RETREG1: variants seen among roughly 807,000 people sequenced by gnomAD.
RETREG1 encodes family with sequence similarity 134 member B.
RETREG1 carries 44 observed loss-of-function variants against 54.8 expected under a neutral mutation model. The ratio of observed to expected loss-of-function variants is 0.80; its 90% CI spans 0.63 to 1.03. RETREG1 has a LOEUF of 1.03. Ranked by LOEUF, RETREG1 falls within the 50% of genes least tolerant of loss-of-function variation. RETREG1 has a pLI of 0.00. For missense variants in RETREG1, 554 were observed against 605.1 expected (o/e 0.92, Z 0.89); for synonymous variants, 217 against 238.5 (o/e 0.91, Z 0.83).
At chr5:16,580,402 G>GA (rs1408497848) in intron 1 of RETREG1, among the ~76,000 whole-genome samples, 2 of 152,218 alleles carry the variant, frequency 1.3e-5, no homozygotes, top group African/African-American at 4.8e-5. Flanking sequence ...CCAGCATTCT[G>GA]AAGGGCTAAG....
rs773790941 is a variant in RETREG1, at chr5:16,506,799, G to T, written c.459-23327C>A. Among the ~76,000 whole-genome samples the T allele has an allele frequency of 1.4e-4, 22 of 152,278 alleles. No individual in the cohort carries two copies. In the Middle Eastern group the frequency reaches 0.014, roughly 94 times the overall value. On this transcript the variant is annotated intron_variant, in intron 3 of 8. Transcript: ENST00000306320. Reference sequence around the variant, plus strand: ...TGTATGAAGTAAGACAAAGTATACTGCATAGAAAACCACCAATGGGTAAAA... The same window carrying T: ...TGTATGAAGTAAGACAAAGTATACTTCATAGAAAACCACCAATGGGTAAAA...
At chr5:16,509,073 C>T (rs984671640) in intron 3 of RETREG1, 7 of 981,114 alleles carry the variant, frequency 7.1e-6, no homozygotes, top group Non-Finnish European at 2.4e-6. Context: ...ACTAGGCACC[C>T]ACCTAAGGGT....
chr5:16,581,346 G>A (rs1362557309), intron 1 of RETREG1, among the ~76,000 whole-genome samples: 1 of 152,102 alleles, frequency 6.6e-6, no homozygotes, highest in Non-Finnish European at 1.5e-5. Context: ...AGAATCACAA[G>A]ATGACAACCA....
At chr5:16,548,690 T>A in intron 3 of RETREG1, among the ~76,000 whole-genome samples, 1 of 152,194 alleles carries the variant, frequency 6.6e-6, no homozygotes, top group East Asian at 1.9e-4. Flanking sequence ...ATGTAAAGGA[T>A]CTTGAGAATA....
intron 3 of RETREG1, among the ~76,000 whole-genome samples, chr5:16,564,122 A>C (rs1257518520): frequency 6.6e-6 from 1 of 152,216 alleles, no homozygotes; most frequent in African/African-American, 2.4e-5. Flanking sequence ...CTTAGGAATC[A>C]GATTTTAAAT....
At chr5:16,508,623 T>C in intron 3 of RETREG1, 2 of 1,614,186 alleles carry the variant, frequency 1.2e-6, no homozygotes, top group Non-Finnish European at 1.7e-6. Context: ...TTCTGCCCTT[T>C]AAAAATAATA....
chr5:16,582,995 C>T (rs1212289162), intron 1 of RETREG1, among the ~76,000 whole-genome samples: 2 of 152,180 alleles, frequency 1.3e-5, no homozygotes, highest in African/African-American at 4.8e-5. Context: ...ACATGGAGCT[C>T]TAGGTGCGGC....
intron 1 of RETREG1, among the ~76,000 whole-genome samples, chr5:16,582,604 G>T (rs955951653): frequency 1.2e-4 from 18 of 148,236 alleles, no homozygotes; most frequent in Admixed American, 8.8e-4. Context: ...TAAAGATGCA[G>T]AGAAAGTTTC....
At chr5:16,518,912 G>A (rs1453306425) in intron 3 of RETREG1, among the ~76,000 whole-genome samples, 1 of 152,126 alleles carries the variant, frequency 6.6e-6, no homozygotes, top group African/African-American at 2.4e-5. Flanking sequence ...AGAATTTGTT[G>A]CCCGTGAAAA....
intron 3 of RETREG1, among the ~76,000 whole-genome samples, chr5:16,488,505 G>A (rs911781356): frequency 5.3e-5 from 8 of 152,170 alleles, no homozygotes; most frequent in Non-Finnish European, 8.8e-5. Flanking sequence ...GTAGAGCACA[G>A]TACAGAGGGA....
intron 3 of RETREG1, among the ~76,000 whole-genome samples, chr5:16,553,426 T>A (rs1741599065): frequency 6.6e-6 from 1 of 152,090 alleles, no homozygotes; most frequent in Non-Finnish European, 1.5e-5. Flanking sequence ...TATATGTGAT[T>A]TAAATATATA....
chr5:16,583,498 A>G (rs560998811), intron 1 of RETREG1, among the ~76,000 whole-genome samples: 9 of 151,912 alleles, frequency 5.9e-5, no homozygotes, highest in Non-Finnish European at 1.0e-4. Flanking sequence ...GTCTCAATAT[A>G]TATATTTTAC....
chr5:16,476,661 AAC>A (rs1286914731), intron 8 of RETREG1, among the ~76,000 whole-genome samples: 1 of 152,058 alleles, frequency 6.6e-6, no homozygotes, highest in Admixed American at 6.6e-5. Context: ...CAGAAAACCA[AAC>A]ACACTGCCTG....
At chr5:16,570,162 C>T (rs1264163718) in intron 2 of RETREG1, among the ~76,000 whole-genome samples, 2 of 152,234 alleles carry the variant, frequency 1.3e-5, no homozygotes, top group Non-Finnish European at 2.9e-5. Context: ...GGGGCTTCTC[C>T]ACAGGTAGGA....
chr5:16,483,767 A>G (rs1738908990), intron 3 of RETREG1, among the ~76,000 whole-genome samples: 1 of 152,120 alleles, frequency 6.6e-6, no homozygotes, highest in South Asian at 2.1e-4. Context: ...TATGGGATGG[A>G]TCAGCAGGTT....
intron 3 of RETREG1, among the ~76,000 whole-genome samples, chr5:16,504,737 CT>C (rs1158209879): frequency 1.3e-5 from 2 of 152,170 alleles, no homozygotes; most frequent in Non-Finnish European, 2.9e-5. Flanking sequence ...GCTGTGTGAA[CT>C]TTGTTTACTT....
intron 7 of RETREG1, 44 bp downstream of exon 7, chr5:16,477,990 A>G: frequency 6.7e-7 from 1 of 1,499,708 alleles, no homozygotes; most frequent in Non-Finnish European, 9.2e-7. Context: ...ATGCATTTAC[A>G]GTCAAACCAC....
chr5:16,501,870 A>G (rs1163719668), intron 3 of RETREG1, among the ~76,000 whole-genome samples: 1 of 151,850 alleles, frequency 6.6e-6, no homozygotes, highest in East Asian at 1.9e-4. Context: ...TAAGAGCACA[A>G]GAGAGCACCA....
intron 3 of RETREG1, among the ~76,000 whole-genome samples, chr5:16,512,390 T>A (rs1740206848): frequency 6.6e-6 from 1 of 152,194 alleles, no homozygotes; most frequent in Non-Finnish European, 1.5e-5. Context: ...ACCTCCACAT[T>A]TTAAATTTTC....
Sources: allele counts gnomAD v4.1 joint callset (sites outside exome capture counted in the v4.1 genomes callset), GRCh38; gene constraint gnomAD v4.1.1; transcripts MANE v1.5; gene names NCBI Gene and HGNC (gene_info 2026-07-23, HGNC 2026-07-21).